Variants in MIER1 observed in about 807,000 individuals in gnomAD.
The protein encoded by MIER1 is mesoderm induction early response protein 1.
Under a neutral mutation model 75.7 loss-of-function variants are expected in MIER1, and 40 were observed. That is an observed-to-expected ratio of 0.53 (90% CI 0.41 to 0.69). The LOEUF is 0.69. Among genes scored for constraint, MIER1 ranks in the 30% least tolerant of loss-of-function variants. MIER1 has a pLI of 0.00. For missense variants in MIER1, 574 were observed against 680.2 expected, an observed-to-expected ratio of 0.84 and a Z score of 1.74; for synonymous variants, 213 against 223.4, an observed-to-expected ratio of 0.95 and a Z score of 0.42.
intron 8 of MIER1, among the ~76,000 whole-genome samples, chr1:66,968,493 T>C (rs1334375631): frequency 1.3e-5 from 2 of 152,174 alleles, no homozygotes; most frequent in African/African-American, 4.8e-5. Flanking sequence ...TAGGGATTAC[T>C]TAATGGATGG....
rs1666805344 is a variant in MIER1 at position 66,986,530 on chromosome 1, T to C, written c.*1630T>C. The C allele has an allele frequency of 5.4e-6, 7 of 1,304,834 alleles. No individual in the cohort carries two copies. Among genetic ancestry groups the C allele is most frequent in the African/African-American group, 1.5e-5 (1 of 65,804 alleles). 80.8% of individuals were successfully genotyped at this position (1,304,834 alleles called of 1,614,324 possible). On this transcript the variant is annotated 3_prime_UTR_variant, in exon 14 of 14. Transcript: ENST00000401041. ...CTGTCTGATGTAATTGAGTGAAGGT[T>C]TGCACTGAGAAATTAGCATTCAGGC...
At chr1:66,959,426 TA>T (rs1660798106) in intron 6 of MIER1, among the ~76,000 whole-genome samples, 1 of 152,182 alleles carries the variant, frequency 6.6e-6, no homozygotes, top group Non-Finnish European at 1.5e-5. Context: ...ATCTTTATTC[TA>T]AATCAGTTTT....
Position 66,944,475 on chromosome 1 carries a change from T to C in MIER1, c.194-1675T>C, listed in dbSNP as rs571273179. On this transcript the variant is annotated intron_variant, in intron 3 of 13. Coordinates refer to ENST00000401041, the MANE Select transcript of MIER1 (RefSeq NM_001077700.3). ...ATGTAGTACAATATTTTACAGACAA[T>C]ATTTTACAGACTATGTATGCCCAGC... Among the ~76,000 whole-genome samples, 181 of 150,794 alleles carry C rather than the reference T, an allele frequency of 1.2e-3. 1 individual carries two copies. The highest frequency in any genetic ancestry group is 2.6e-3 in the Admixed American group (40 of 15,184).
intron 2 of MIER1, among the ~76,000 whole-genome samples, chr1:66,931,905 A>G (rs1036687226): frequency 3.3e-5 from 5 of 152,188 alleles, no homozygotes; most frequent in African/African-American, 4.8e-5. Context: ...GCAATGTGCT[A>G]CATAGGTAAT....
chr1:66,983,309 C>T (rs1030226492), intron 13 of MIER1, among the ~76,000 whole-genome samples: 1 of 150,708 alleles, frequency 6.6e-6, no homozygotes, highest in Non-Finnish European at 1.5e-5. Context: ...TTGTTCTCTT[C>T]AATATATTAT....
intron 11 of MIER1, among the ~76,000 whole-genome samples, chr1:66,974,733 T>C (rs1459029061): frequency 6.6e-6 from 1 of 152,130 alleles, no homozygotes; most frequent in Non-Finnish European, 1.5e-5. Flanking sequence ...ATACACTAAA[T>C]TACTCTAGTG....
intron 8 of MIER1, among the ~76,000 whole-genome samples, chr1:66,966,115 C>T (rs1043031829): frequency 1.3e-5 from 2 of 151,870 alleles, no homozygotes; most frequent in African/African-American, 4.8e-5. Flanking sequence ...GTACATGTGC[C>T]ATGTTGGTGT....
Position 66,984,938 on chromosome 1 carries a change from G to T in MIER1, c.*38G>T. The T allele has an allele frequency of 6.6e-7, 1 of 1,526,114 alleles. No individual in the cohort carries two copies. The highest frequency in any genetic ancestry group is 2.3e-5 in the East Asian group (1 of 43,966). 94.5% of individuals were successfully genotyped at this position (1,526,114 alleles called of 1,614,324 possible). ...TTTTACTTTCTTTGGAGTAAATTCT[G>T]GTGTGACTAAAATTTTCAGGGTTGA... On this transcript the variant is annotated 3_prime_UTR_variant, in exon 14 of 14. Coordinates refer to ENST00000401041, the MANE Select transcript of MIER1 (RefSeq NM_001077700.3).
At chr1:66,961,509 T>C (rs79428987) in intron 7 of MIER1, among the ~76,000 whole-genome samples, 5 of 152,252 alleles carry the variant, frequency 3.3e-5, no homozygotes, top group South Asian at 4.1e-4. Flanking sequence ...AATTAACAGA[T>C]GAAAAGAAAT....
At chr1:66,925,363 G>T (rs981945720) in intron 1 of MIER1, 88 of 985,254 alleles carry the variant, frequency 8.9e-5, no homozygotes, top group Non-Finnish European at 2.9e-5. Context: ...GTGGCGCCGC[G>T]CTGGGAATCC....
intron 3 of MIER1, among the ~76,000 whole-genome samples, chr1:66,944,133 T>C (rs1336488937): frequency 6.6e-6 from 1 of 151,560 alleles, no homozygotes; most frequent in Non-Finnish European, 1.5e-5. Context: ...CTTTTGAAAA[T>C]TATTGTGAGT....
chr1:66,929,711 T>C (rs1187576825), intron 2 of MIER1, among the ~76,000 whole-genome samples: 1 of 152,210 alleles, frequency 6.6e-6, no homozygotes, highest in Non-Finnish European at 1.5e-5. Context: ...GACATGAGGA[T>C]GGCGGACTGC....
intron 8 of MIER1, among the ~76,000 whole-genome samples, chr1:66,968,822 T>G (rs748262810): frequency 7.9e-5 from 12 of 152,248 alleles, no homozygotes; most frequent in Non-Finnish European, 1.5e-4. Flanking sequence ...TTTTGTTTAC[T>G]CATCTTTGTA....
intron 3 of MIER1, among the ~76,000 whole-genome samples, chr1:66,942,929 T>C (rs1656587045): frequency 6.6e-6 from 1 of 152,196 alleles, no homozygotes; most frequent in Non-Finnish European, 1.5e-5. Flanking sequence ...GCTATATACC[T>C]ATGAACTTGA....
Position 66,984,830 on chromosome 1 carries a change from GTTC to G in MIER1, c.1633_1635del (p.Ser545del), listed in dbSNP as rs753930544. On this transcript the variant is annotated inframe_deletion, in exon 14 of 14. Transcript: ENST00000401041. Reference sequence around the variant, plus strand: ...AACAGCAATGGAAAAGAAAGTCCAGGTTCTTCTGAATTTTTCCAAGAAGCAGTC... The same window carrying G: ...AACAGCAATGGAAAAGAAAGTCCAGGTTCTGAATTTTTCCAAGAAGCAGTC... 8 of 1,611,124 alleles carry G rather than the reference GTTC, an allele frequency of 5.0e-6. No individual in the cohort carries two copies. The highest frequency in any genetic ancestry group is 6.8e-6 in the Non-Finnish European group (8 of 1,179,258).
intron 7 of MIER1, 23 bp downstream of exon 7, chr1:66,959,766 A>C (rs765436358): frequency 3.3e-6 from 4 of 1,198,390 alleles, no homozygotes; most frequent in Non-Finnish European, 4.6e-6. Flanking sequence ...ATATTTTCCC[A>C]AAATTTAGAT....
Position 66,925,995 on chromosome 1 carries a change from G to A in MIER1, c.68-147G>A, listed in dbSNP as rs944415455. On this transcript the variant is annotated intron_variant, in intron 1 of 13. Coordinates refer to ENST00000401041, the MANE Select transcript of MIER1 (RefSeq NM_001077700.3). The stretch of plus-strand genomic sequence containing the variant: ...ATTAGTTACAAATTGCATGACTTAA[G>A]GCTCATTAAATGTTTTTCTAAAATT... 1.8e-5 allele frequency: 10 copies of A among 549,752 alleles called. No individual in the cohort carries two copies. The African/African-American group carries it at 1.9e-4, about 11-fold the overall frequency. 34.1% of individuals were successfully genotyped at this position (549,752 alleles called of 1,614,324 possible).
At chr1:66,929,147 A>G (rs886122969) in intron 2 of MIER1, 4 of 647,686 alleles carry the variant, frequency 6.2e-6, no homozygotes, top group Admixed American at 2.6e-5. Flanking sequence ...ATATTGCATT[A>G]TAAGTTAAGT....
chr1:66,964,266 G>T (rs1335475404), intron 8 of MIER1, among the ~76,000 whole-genome samples: 2 of 150,358 alleles, frequency 1.3e-5, no homozygotes, highest in Non-Finnish European at 1.5e-5. Context: ...GTAGAGATAG[G>T]GTTTCGCCAT....
Sources: allele counts gnomAD v4.1 joint callset (sites outside exome capture counted in the v4.1 genomes callset), GRCh38; gene constraint gnomAD v4.1.1; transcripts MANE v1.5; gene names NCBI Gene and HGNC (gene_info 2026-07-23, HGNC 2026-07-21).